HDAC4: variants seen among roughly 807,000 people sequenced by gnomAD.
The protein encoded by HDAC4 is histone deacetylase 4.
Under a neutral mutation model 135.1 loss-of-function variants are expected in HDAC4, and 16 were observed. The observed-to-expected ratio is 0.12, with a 90% CI of 0.08 to 0.18. The LOEUF is 0.18. Among genes scored for constraint, HDAC4 ranks in the 10% least tolerant of loss-of-function variants. HDAC4 has a pLI of 1.00. For synonymous variants in HDAC4, 685 were observed against 653.4 expected (o/e 1.05, Z -0.74); for missense variants, 1,143 against 1,511.8 (o/e 0.76, Z 4.05).
chr2:239,284,241 G>A (rs1433377346), intron 2 of HDAC4, among the ~76,000 whole-genome samples: 8 of 152,258 alleles, frequency 5.3e-5, no homozygotes, highest in Admixed American at 3.3e-4. Flanking sequence ...CGACCACAGC[G>A]GAGCCGAGGA....
At chr2:239,385,422 G>T (rs1209619130) in intron 1 of HDAC4, among the ~76,000 whole-genome samples, 1 of 152,248 alleles carries the variant, frequency 6.6e-6, no homozygotes, top group Non-Finnish European at 1.5e-5. Context: ...ACTCTGCCCA[G>T]CTCAGCAGCG....
rs1005949708 is a variant in HDAC4 at position 239,245,205 on chromosome 2, T to C, written c.23-8541A>G. Among the ~76,000 whole-genome samples, 1 of 152,184 alleles carries C rather than the reference T, an allele frequency of 6.6e-6. No homozygotes were observed. The highest frequency in any genetic ancestry group is 1.5e-5 in the Non-Finnish European group (1 of 68,034). ...ACCTAAGAAGTATTCCTGTTGTCTC[T>C]CCACTAAGAATCAAAACTAGCTGTA... On this transcript the variant is annotated intron_variant, in intron 2 of 26. Coordinates refer to ENST00000543185, the MANE Select transcript of HDAC4 (RefSeq NM_001378414.1). The surrounding 1 kb of genome is among the most constrained non-coding windows in gnomAD (Gnocchi z 4.4).
Position 239,055,204 on chromosome 2 carries a change from ATAAG to A in HDAC4, c.3004-375_3004-372del, listed in dbSNP as rs1226549555. On this transcript the variant is annotated intron_variant, in intron 24 of 26. Transcript: ENST00000543185. ...CTTTTCTTTCCTTTGTCTTTTATTA[ATAAG>A]TAAGAATGTCTGAATATCCCCTGAT... 5 of 300,704 alleles carry A rather than the reference ATAAG, an allele frequency of 1.7e-5. No homozygotes were observed. The East Asian group carries it at 3.5e-4, about 21-fold the overall frequency. 18.6% of individuals were successfully genotyped at this position (300,704 alleles called of 1,614,324 possible). A position where few individuals can be genotyped will look rare whatever the true frequency, so the allele number is the denominator to read the frequency against.
At chr2:239,373,170 C>T (rs570155353) in intron 1 of HDAC4, among the ~76,000 whole-genome samples, 97 of 152,288 alleles carry the variant, frequency 6.4e-4, no homozygotes, top group African/African-American at 2.2e-3. Context: ...GTGAGCAGAA[C>T]GACCTCTAAA....
At chr2:239,300,273 C>T (rs999090635) in intron 2 of HDAC4, among the ~76,000 whole-genome samples, 1 of 152,162 alleles carries the variant, frequency 6.6e-6, no homozygotes, top group Non-Finnish European at 1.5e-5. Context: ...AAGGATGATC[C>T]TCAAACTCTC....
intron 17 of HDAC4, chr2:239,094,691 T>C: frequency 8.2e-7 from 1 of 1,226,174 alleles, no homozygotes; most frequent in Non-Finnish European, 1.0e-6. Context: ...TGGCCTGATG[T>C]GAGCAGATTA....
chr2:239,117,103 G>A (rs1017010872), intron 12 of HDAC4, among the ~76,000 whole-genome samples: 4 of 152,198 alleles, frequency 2.6e-5, no homozygotes, highest in Admixed American at 1.3e-4. Flanking sequence ...GGGTGTCCGC[G>A]TAGTGGGGCA....
intron 1 of HDAC4, among the ~76,000 whole-genome samples, chr2:239,378,485 G>C (rs1695183080): frequency 6.6e-6 from 1 of 152,178 alleles, no homozygotes; most frequent in African/African-American, 2.4e-5. Flanking sequence ...CCAGATGGCA[G>C]CATCACAAGG....
intron 2 of HDAC4, among the ~76,000 whole-genome samples, chr2:239,255,440 T>C (rs73100723): frequency 0.037 from 5,570 of 152,306 alleles, 324 homozygotes; most frequent in African/African-American, 0.12. Flanking sequence ...GAGCCAATTA[T>C]GCAGGGTTTA....
At chr2:239,103,939 G>A (rs578035174) in intron 15 of HDAC4, among the ~76,000 whole-genome samples, 1 of 152,270 alleles carries the variant, frequency 6.6e-6, no homozygotes, top group Non-Finnish European at 1.5e-5. Context: ...ACCTCCAGAG[G>A]GCAGGTGCGC....
At chr2:239,396,993 G>A (rs112112369) in intron 1 of HDAC4, among the ~76,000 whole-genome samples, 9 of 152,366 alleles carry the variant, frequency 5.9e-5, no homozygotes, top group African/African-American at 1.9e-4. Flanking sequence ...AGTCCCACAC[G>A]TGACATAAGA....
At chr2:239,203,820 C>T (rs984591418) in intron 3 of HDAC4, among the ~76,000 whole-genome samples, 6 of 152,162 alleles carry the variant, frequency 3.9e-5, no homozygotes, top group African/African-American at 1.4e-4. Context: ...AACACAGACA[C>T]GACACTAAAA....
chr2:239,364,169 A>T (rs1284238854), intron 1 of HDAC4, among the ~76,000 whole-genome samples: 1 of 152,234 alleles, frequency 6.6e-6, no homozygotes, highest in Non-Finnish European at 1.5e-5. Context: ...TACTACAGCC[A>T]CACAAGTGCC....
chr2:239,215,000 G>A (rs1028701112), intron 3 of HDAC4, among the ~76,000 whole-genome samples: 2 of 152,322 alleles, frequency 1.3e-5, no homozygotes, highest in Non-Finnish European at 2.9e-5. Context: ...GCTGGGGATC[G>A]ACGGCAAGCA....
chr2:239,106,640 T>C (rs1243094634), intron 15 of HDAC4, among the ~76,000 whole-genome samples: 3 of 152,102 alleles, frequency 2.0e-5, no homozygotes, highest in Admixed American at 6.5e-5. Context: ...TTTTAGAGAA[T>C]TCCCCCCTGA....
intron 14 of HDAC4, among the ~76,000 whole-genome samples, chr2:239,110,257 T>C (rs62189556): frequency 0.096 from 14,670 of 152,324 alleles, 1,064 homozygotes; most frequent in Admixed American, 0.24. Flanking sequence ...ATCATGTTTT[T>C]CTTTACAATG....
At chr2:239,070,570 C>T (rs990433859) in intron 22 of HDAC4, among the ~76,000 whole-genome samples, 7 of 152,204 alleles carry the variant, frequency 4.6e-5, no homozygotes, top group Non-Finnish European at 8.8e-5. Context: ...TAATCACCAC[C>T]ACTGACTTTC....
rs377021884 is a variant in HDAC4 at position 239,134,501 on chromosome 2, A to C, written c.1095+26T>G. On this transcript the variant is annotated intron_variant, in intron 10 of 26. Coordinates refer to ENST00000543185, the MANE Select transcript of HDAC4 (RefSeq NM_001378414.1). ...GGACCCATCACCACCACCCCACACC[A>C]CACGGACCCACGGGGGCTGACTTAC... 2.5e-6 allele frequency: 4 copies of C among 1,613,292 alleles called. No individual in the cohort carries two copies. In the African/African-American group the frequency reaches 5.3e-5, roughly 22 times the overall value.
intron 20 of HDAC4, among the ~76,000 whole-genome samples, chr2:239,083,870 C>T (rs2035595847): frequency 6.6e-6 from 1 of 152,252 alleles, no homozygotes; most frequent in Admixed American, 6.5e-5. Flanking sequence ...CTCCCCAACA[C>T]CTGTCTTCCA....
Sources: allele counts gnomAD v4.1 joint callset (sites outside exome capture counted in the v4.1 genomes callset), GRCh38; gene constraint gnomAD v4.1.1; non-coding constraint Gnocchi (gnomAD v3.1); transcripts MANE v1.5; gene names NCBI Gene and HGNC (gene_info 2026-07-23, HGNC 2026-07-21).